ZBTB20: variants seen among roughly 807,000 people sequenced by gnomAD.
ZBTB20 encodes the protein zinc finger and BTB domain-containing protein 20.
Under a neutral mutation model 56.9 loss-of-function variants are expected in ZBTB20, and 9 were observed. The observed-to-expected ratio is 0.16, with a 90% CI of 0.10 to 0.28. The LOEUF (loss-of-function observed/expected upper bound fraction) is 0.28. Among genes scored for constraint, ZBTB20 ranks in the 10% least tolerant of loss-of-function variants. ZBTB20 has a pLI of 1.00. For synonymous variants in ZBTB20, 417 were observed against 420.7 expected, an observed-to-expected ratio of 0.99 and a Z score of 0.11; for missense variants, 655 against 1,003.0, an observed-to-expected ratio of 0.65 and a Z score of 4.69.
At chr3:115,117,836 C>A (rs536716966) in intron 1 of ZBTB20, among the ~76,000 whole-genome samples, 2 of 152,214 alleles carry the variant, frequency 1.3e-5, no homozygotes, top group South Asian at 2.1e-4. Flanking sequence ...TGCAAGGCAT[C>A]ACTGTGTCTC....
At chr3:114,575,442 T>C (rs2053903501) in intron 6 of ZBTB20, among the ~76,000 whole-genome samples, 1 of 152,148 alleles carries the variant, frequency 6.6e-6, no homozygotes, top group South Asian at 2.1e-4. Flanking sequence ...TTTGCCACAA[T>C]AAAAGCACAG....
intron 6 of ZBTB20, among the ~76,000 whole-genome samples, chr3:114,654,782 C>G (rs1468144035): frequency 6.6e-6 from 1 of 152,022 alleles, no homozygotes; most frequent in East Asian, 1.9e-4. Flanking sequence ...GTTAAAATCT[C>G]CAATTGTTAT....
chr3:114,723,147 C>T (rs1467285501), intron 5 of ZBTB20, among the ~76,000 whole-genome samples: 1 of 151,818 alleles, frequency 6.6e-6, no homozygotes, highest in Non-Finnish European at 1.5e-5. Context: ...ATACCCTTCC[C>T]TTTTATTTTA....
chr3:114,860,162 C>T (rs2075452492), intron 4 of ZBTB20, among the ~76,000 whole-genome samples: 1 of 152,020 alleles, frequency 6.6e-6, no homozygotes, highest in African/African-American at 2.4e-5. Flanking sequence ...AAAAAATTAG[C>T]CGGGCTTGTT....
chr3:114,881,006 T>C (rs2076377458), intron 4 of ZBTB20, among the ~76,000 whole-genome samples: 2 of 152,108 alleles, frequency 1.3e-5, no homozygotes, highest in East Asian at 3.8e-4. Context: ...GAAATATAAA[T>C]ATGATATTAA....
chr3:114,741,078 G>A (rs973632653), intron 5 of ZBTB20, among the ~76,000 whole-genome samples: 2 of 152,066 alleles, frequency 1.3e-5, no homozygotes, highest in Non-Finnish European at 2.9e-5. Context: ...TATTTCCTAC[G>A]GTTACCACCA....
chr3:114,958,174 G>C (rs1655990047), intron 3 of ZBTB20, among the ~76,000 whole-genome samples: 1 of 152,162 alleles, frequency 6.6e-6, no homozygotes, highest in African/African-American at 2.4e-5. Context: ...AAAACTTCAG[G>C]AATTTTCACT....
chr3:114,739,372 A>G (rs1425664130), intron 5 of ZBTB20, among the ~76,000 whole-genome samples: 1 of 152,198 alleles, frequency 6.6e-6, no homozygotes, highest in Non-Finnish European at 1.5e-5. Context: ...AGACATAACA[A>G]ACGTGATCAT....
chr3:115,037,329 A>C (rs1326152091), intron 2 of ZBTB20, among the ~76,000 whole-genome samples: 1 of 152,090 alleles, frequency 6.6e-6, no homozygotes, highest in Non-Finnish European at 1.5e-5. Flanking sequence ...CCGTCACCCA[A>C]GCTAGAGTGC....
At chr3:114,871,652 T>C (rs377546403) in intron 4 of ZBTB20, among the ~76,000 whole-genome samples, 26 of 152,230 alleles carry the variant, frequency 1.7e-4, no homozygotes, top group African/African-American at 6.3e-4. Flanking sequence ...TGAAGTTAAG[T>C]ATTTAAGGTC....
rs1443644233 is a variant in ZBTB20 at position 114,389,906 on chromosome 3, AAAAG to A, written c.-254-805_-254-802del. 4.2e-4 allele frequency among the ~76,000 whole-genome samples: 64 copies of A among 151,914 alleles called. No individual in the cohort carries two copies. In the East Asian group the frequency reaches 0.012, roughly 28 times the overall value. On this transcript the variant is annotated intron_variant, in intron 7 of 11. Transcript: ENST00000675478. ...CCATCTCAAAAAAAAAAAAAAAAAAAAAAGAATTACCTCATGTATTTATCACTTT... is the reference window on the plus strand; with the variant it reads ...CCATCTCAAAAAAAAAAAAAAAAAAAAATTACCTCATGTATTTATCACTTT...
intron 7 of ZBTB20, among the ~76,000 whole-genome samples, chr3:114,446,504 A>C (rs1231392893): frequency 1.3e-5 from 2 of 152,192 alleles, no homozygotes; most frequent in Non-Finnish European, 1.5e-5. Context: ...TACAACATTT[A>C]GAGAACCTTA....
intron 6 of ZBTB20, among the ~76,000 whole-genome samples, chr3:114,692,311 C>A (rs138999837): frequency 2.3e-4 from 35 of 152,024 alleles, no homozygotes; most frequent in Non-Finnish European, 4.0e-4. Context: ...GCTACAATCC[C>A]GAAGGCTCCT....
At chr3:114,656,908 T>C (rs1357944090) in intron 6 of ZBTB20, among the ~76,000 whole-genome samples, 3 of 152,122 alleles carry the variant, frequency 2.0e-5, no homozygotes, top group Non-Finnish European at 4.4e-5. Context: ...CCACCACATC[T>C]GGTGGATTAT....
At chr3:115,082,152 T>C (rs1170425536) in intron 1 of ZBTB20, among the ~76,000 whole-genome samples, 1 of 152,182 alleles carries the variant, frequency 6.6e-6, no homozygotes, top group Admixed American at 6.6e-5. Context: ...TGGTTAATCA[T>C]TCAAATGGCT....
At chr3:114,842,736 T>C (rs756309188) in intron 4 of ZBTB20, among the ~76,000 whole-genome samples, 39 of 152,276 alleles carry the variant, frequency 2.6e-4, no homozygotes, top group South Asian at 4.1e-4. Context: ...CCAACGAATT[T>C]AGAAAATTGT....
intron 6 of ZBTB20, among the ~76,000 whole-genome samples, chr3:114,574,300 A>G (rs1013697139): frequency 6.6e-6 from 1 of 152,180 alleles, no homozygotes; most frequent in Non-Finnish European, 1.5e-5. Flanking sequence ...ACAGATGCCT[A>G]GAAGTAAAAT....
intron 7 of ZBTB20, among the ~76,000 whole-genome samples, chr3:114,441,056 T>A (rs2090888333): frequency 6.6e-6 from 1 of 152,242 alleles, no homozygotes; most frequent in Non-Finnish European, 1.5e-5. Flanking sequence ...TTTAACTCTT[T>A]ATTATCTCTT....
intron 3 of ZBTB20, among the ~76,000 whole-genome samples, chr3:114,920,361 G>A (rs763646380): frequency 1.3e-5 from 2 of 152,070 alleles, no homozygotes; most frequent in Non-Finnish European, 2.9e-5. Flanking sequence ...TCTCCAAATA[G>A]ATCAGATGTT....
Sources: gnomAD v4.1 joint callset for allele counts (sites outside exome capture counted in the v4.1 genomes callset) on GRCh38, gnomAD v4.1.1 for gene constraint, MANE v1.5 for transcripts, NCBI Gene and HGNC (gene_info 2026-07-23, HGNC 2026-07-21) for gene names.